The following GAS2L3 variants were observed in gnomAD, a reference collection of about 807,000 sequenced individuals.
GAS2L3 encodes GAS2-like protein 3.
In GAS2L3, 28 loss-of-function variants were observed where a neutral mutation model predicts 37.0. The ratio of observed to expected loss-of-function variants is 0.76; its 90% CI spans 0.56 to 1.04. The LOEUF (loss-of-function observed/expected upper bound fraction) is 1.04, where lower values mean the gene tolerates loss of function less well. GAS2L3 is among the 50% of genes least tolerant of loss of function. The pLI is 0.00. For synonymous variants in GAS2L3, 290 were observed against 296.6 expected, an observed-to-expected ratio of 0.98 and a Z score of 0.23; for missense variants, 793 against 817.6, an observed-to-expected ratio of 0.97 and a Z score of 0.37.
rs181149149 is a variant in GAS2L3, at chr12:100,589,532, C to G, written c.-151-2204C>G. On this transcript the variant is annotated intron_variant, in intron 1 of 9. Coordinates refer to ENST00000547754, the MANE Select transcript of GAS2L3 (RefSeq NM_174942.3). ...TCTACAAATTCAACACAATCCCCAT[C>G]GAAATACCACCATCATTCTTCACAG... 9.3e-4 allele frequency among the ~76,000 whole-genome samples: 141 copies of G among 152,158 alleles called. 1 individual carries two copies. The highest frequency in any genetic ancestry group is 7.5e-3 in the Admixed American group (115 of 15,272).
intron 5 of GAS2L3, among the ~76,000 whole-genome samples, chr12:100,609,305 A>C (rs1956097518): frequency 6.6e-6 from 1 of 152,206 alleles, no homozygotes; most frequent in Non-Finnish European, 1.5e-5. Context: ...TCAGAGCCCA[A>C]CACCCATGGC....
At chr12:100,587,126 A>G (rs1240529864) in intron 1 of GAS2L3, among the ~76,000 whole-genome samples, 1 of 152,212 alleles carries the variant, frequency 6.6e-6, no homozygotes, top group Non-Finnish European at 1.5e-5. Flanking sequence ...AGATAGATTC[A>G]CAACAGAACT....
intron 2 of GAS2L3, 146 bp from the exon 3 acceptor site, chr12:100,594,729 C>G: frequency 2.8e-6 from 1 of 360,046 alleles, no homozygotes; most frequent in Middle Eastern, 6.2e-4. Context: ...TATGAATTTT[C>G]TTATACTCAG....
chr12:100,605,657 C>A (rs1956046764), intron 5 of GAS2L3, among the ~76,000 whole-genome samples: 1 of 151,680 alleles, frequency 6.6e-6, no homozygotes, highest in South Asian at 2.1e-4. Context: ...AGACTGCTTT[C>A]ACTGTATCCC....
At chr12:100,579,116 A>G in intron 1 of GAS2L3, 2 of 710,894 alleles carry the variant, frequency 2.8e-6, no homozygotes, top group Admixed American at 1.9e-5. Context: ...AGTCACAATA[A>G]TCCATTCACA....
At chr12:100,616,243 G>T (rs1956186282) in intron 6 of GAS2L3, among the ~76,000 whole-genome samples, 1 of 152,060 alleles carries the variant, frequency 6.6e-6, no homozygotes, top group Admixed American at 6.6e-5. Context: ...TGAAGCCATT[G>T]TAAGTGTAAT....
intron 1 of GAS2L3, chr12:100,578,998 T>C (rs547659208): frequency 2.3e-6 from 2 of 863,608 alleles, no homozygotes; most frequent in Non-Finnish European, 3.9e-6. Context: ...ACCTCACTAA[T>C]GACCTCAAAG....
chr12:100,579,059 C>G (rs1955674791), intron 1 of GAS2L3: 2 of 749,070 alleles, frequency 2.7e-6, no homozygotes, highest in Admixed American at 3.5e-5. Context: ...GGCCATGACC[C>G]TCTTTCACAG....
chr12:100,622,283 T>A lies in GAS2L3; in HGVS notation c.657T>A (p.His219Gln). The A allele has an allele frequency of 6.4e-7, 1 of 1,574,646 alleles. No homozygotes were observed. Among genetic ancestry groups the A allele is most frequent in the Non-Finnish European group, 8.7e-7 (1 of 1,147,256 alleles). ...RHEELHEAVK[H>Q]IAEDPPCSCS... ...TTTGTTCGTCATCTTAGGTTAAACA[T>A]ATTGCTGAGGACCCTCCTTGTAGTT... Residue 219 changes from histidine (H) to glutamine (Q), a missense_variant, in exon 9 of 10, where the codon CAT becomes CAA. By Grantham distance (24) the His-to-Gln change is conservative. Coordinates refer to ENST00000547754, the MANE Select transcript of GAS2L3 (RefSeq NM_174942.3).
In GAS2L3 at chr12:100,623,483, C is replaced by T. The variant is rs1419938336; in HGVS notation, c.757-79C>T. Reference sequence around the variant, plus strand: ...TGAATTTTATAGATCACAGACATCACATATTGTAACTGCTAATGAATTGTA... The same window carrying T: ...TGAATTTTATAGATCACAGACATCATATATTGTAACTGCTAATGAATTGTA... On this transcript the variant is annotated intron_variant, in intron 9 of 9. Transcript: ENST00000547754. 2.0e-5 allele frequency: 26 copies of T among 1,289,000 alleles called. 1 individual carries two copies. The highest frequency in any genetic ancestry group is 1.2e-4 in the East Asian group (5 of 42,886). 79.8% of individuals were successfully genotyped at this position (1,289,000 alleles called of 1,614,324 possible).
At chr12:100,579,053 A>G (rs1316921045) in intron 1 of GAS2L3, 5 of 753,692 alleles carry the variant, frequency 6.6e-6, no homozygotes, top group Non-Finnish European at 1.2e-5. Flanking sequence ...GTCTATGGCC[A>G]TGACCCTCTT....
chr12:100,592,519 G>A (rs983931836), intron 2 of GAS2L3: 2 of 152,030 alleles, frequency 1.3e-5, no homozygotes, highest in African/African-American at 2.4e-5. Context: ...ATCCCATTAT[G>A]GTATGAAGTC....
rs553462448 is a variant in GAS2L3, at chr12:100,597,376, C to T, written c.18+2454C>T. Among the ~76,000 whole-genome samples, 19 of 152,186 alleles carry T rather than the reference C, an allele frequency of 1.2e-4. 1 individual carries two copies. The highest frequency in any genetic ancestry group is 7.9e-4 in the Admixed American group (12 of 15,286). Reference sequence around the variant, plus strand: ...TTTGAATACTATGTGGTAAGCATTACACTGAGTCTCAGGATTATAATAGAA... The same window carrying T: ...TTTGAATACTATGTGGTAAGCATTATACTGAGTCTCAGGATTATAATAGAA... On this transcript the variant is annotated intron_variant, in intron 3 of 9. Transcript: ENST00000547754.
intron 1 of GAS2L3, among the ~76,000 whole-genome samples, chr12:100,575,476 ATTT>A (rs58446699): frequency 3.3e-4 from 29 of 88,784 alleles, no homozygotes; most frequent in African/African-American, 1.4e-3. Context: ...TGTTATCTCT[ATTT>A]TTTTTTTTTT....
intron 3 of GAS2L3, among the ~76,000 whole-genome samples, chr12:100,597,399 G>T (rs1024247085): frequency 3.3e-5 from 5 of 151,946 alleles, no homozygotes; most frequent in Non-Finnish European, 7.4e-5. Context: ...GATTATAATA[G>T]AAATAAAATA....
chr12:100,602,457 T>C (rs1456116862), intron 5 of GAS2L3, among the ~76,000 whole-genome samples: 3 of 151,628 alleles, frequency 2.0e-5, no homozygotes, highest in Non-Finnish European at 2.9e-5. Context: ...TGTGTGTATA[T>C]ATATATAATA....
At chr12:100,609,000 G>C (rs1213563476) in intron 5 of GAS2L3, among the ~76,000 whole-genome samples, 1 of 152,144 alleles carries the variant, frequency 6.6e-6, no homozygotes, top group Non-Finnish European at 1.5e-5. Context: ...AGAACCCAAG[G>C]GCTCTTTAGT....
chr12:100,574,723 A>G (rs1955614180), intron 1 of GAS2L3, among the ~76,000 whole-genome samples: 2 of 152,210 alleles, frequency 1.3e-5, no homozygotes, highest in Non-Finnish European at 2.9e-5. Context: ...AAACAACAAG[A>G]ACAACAGAAC....
At chr12:100,605,160 G>T (rs905887074) in intron 5 of GAS2L3, among the ~76,000 whole-genome samples, 1 of 151,952 alleles carries the variant, frequency 6.6e-6, no homozygotes, top group Non-Finnish European at 1.5e-5. Context: ...GTTTGAGTAG[G>T]ATTGCTATTA....
Sources: gnomAD v4.1 joint callset for allele counts (sites outside exome capture counted in the v4.1 genomes callset) on GRCh38, gnomAD v4.1.1 for gene constraint, MANE v1.5 for transcripts, NCBI Gene and HGNC (gene_info 2026-07-23, HGNC 2026-07-21) for gene names.